The following TIE1 variants were observed in gnomAD, a reference collection of about 807,000 sequenced individuals.
TIE1 encodes tyrosine-protein kinase receptor Tie-1.
In TIE1, 89 loss-of-function variants were observed where a neutral mutation model predicts 130.5. That is an observed-to-expected ratio of 0.68 (90% CI 0.57 to 0.81). TIE1 has a LOEUF of 0.81. Ranked by LOEUF, TIE1 falls within the 40% of genes least tolerant of loss-of-function variation. TIE1 has a pLI of 0.00. For missense variants in TIE1, 1,392 were observed against 1,559.8 expected (o/e 0.89, Z 1.81); for synonymous variants, 568 against 629.4 (o/e 0.90, Z 1.46).
intron 21 of TIE1, 26 bp downstream of exon 21, chr1:43,321,518 A>G (rs2153913179): frequency 1.3e-6 from 2 of 1,595,422 alleles, no homozygotes; most frequent in Non-Finnish European, 1.7e-6. Flanking sequence ...CTTGAGCTCC[A>G]TGATCCTATC....
chr1:43,301,621 C>T (rs1252536807), intron 1 of TIE1, among the ~76,000 whole-genome samples: 3 of 152,150 alleles, frequency 2.0e-5, no homozygotes, highest in Non-Finnish European at 4.4e-5. Flanking sequence ...CCTGTAATCC[C>T]GGCACTTTGG....
chr1:43,317,795 T>A lies in TIE1; in HGVS notation c.2732-87T>A. On this transcript the variant is annotated intron_variant, in intron 16 of 22. Transcript: ENST00000372476. This position sits in a 1 kb window ranked among gnomAD's most constrained non-coding sequence, Gnocchi z 5.1. ...CCTGTGCACCACCCTTGATCCTCCT[T>A]CATCCCTGTCTGTTACCATCGGGTG... 1 of 1,520,266 alleles carries A rather than the reference T, an allele frequency of 6.6e-7. No homozygotes were observed. Among genetic ancestry groups the A allele is most frequent in the Non-Finnish European group, 9.1e-7 (1 of 1,104,714 alleles). The allele number at this position is 1,520,266 out of a possible 1,614,324, so 94.2% of individuals were successfully genotyped here.
chr1:43,316,176 CAT>C lies in TIE1; in HGVS notation c.2410-1022_2410-1021del, dbSNP rs953358971. On this transcript the variant is annotated intron_variant, in intron 14 of 22. Transcript: ENST00000372476. This position sits in a 1 kb window ranked among gnomAD's most constrained non-coding sequence, Gnocchi z 4.4. ...ACACGTGCATCCCCTGTGAGTGCCACATGTTTAAATGCGTGTGTCCCAGATGC... is the reference window on the plus strand; with the variant it reads ...ACACGTGCATCCCCTGTGAGTGCCACGTTTAAATGCGTGTGTCCCAGATGC... Among the ~76,000 whole-genome samples the C allele has an allele frequency of 5.3e-5, 8 of 152,246 alleles. No individual in the cohort carries two copies. Among genetic ancestry groups the C allele is most frequent in the Non-Finnish European group, 8.8e-5 (6 of 68,044 alleles).
Position 43,313,694 on chromosome 1 carries a change from C to G in TIE1, c.2219-84C>G. 7.1e-7 allele frequency: 1 copy of G among 1,407,564 alleles called. No homozygotes were observed. The highest frequency in any genetic ancestry group is 9.5e-7 in the Non-Finnish European group (1 of 1,048,780). 87.2% of individuals were successfully genotyped at this position (1,407,564 alleles called of 1,614,324 possible). A position where few individuals can be genotyped will look rare whatever the true frequency, so the allele number is the denominator to read the frequency against. On this transcript the variant is annotated intron_variant, in intron 13 of 22. Transcript: ENST00000372476. The surrounding 1 kb of genome is among the most constrained non-coding windows in gnomAD (Gnocchi z 6.2). ...ACAGTCCTGGCACTGGGATCTTTCA[C>G]CTCTCCCTCTGTGTAACCCCATGGT...
chr1:43,308,816 T>C, intron 7 of TIE1, 170 bp from the exon 8 acceptor site: 1 of 824,866 alleles, frequency 1.2e-6, no homozygotes, highest in Non-Finnish European at 2.1e-6. Context: ...TTGCAGCTGA[T>C]GGGATGTGGG....
At position 43,313,506 on chromosome 1, in the gene TIE1, C is replaced by G; in HGVS notation, c.2218+81C>G. 6.6e-7 allele frequency: 1 copy of G among 1,525,598 alleles called. No individual in the cohort carries two copies. Among genetic ancestry groups the G allele is most frequent in the Non-Finnish European group, 8.9e-7 (1 of 1,118,628 alleles). 94.5% of individuals were successfully genotyped at this position (1,525,598 alleles called of 1,614,324 possible). A position where few individuals can be genotyped will look rare whatever the true frequency, so the allele number is the denominator to read the frequency against. The stretch of plus-strand genomic sequence containing the variant: ...CGCTCTCCTTCCACATCACCCCCTA[C>G]TGTGGAGCTAGGGCATCCCAGGCCC... On this transcript the variant is annotated intron_variant, in intron 13 of 22. Coordinates refer to ENST00000372476, the MANE Select transcript of TIE1 (RefSeq NM_005424.5). This position sits in a 1 kb window ranked among gnomAD's most constrained non-coding sequence, Gnocchi z 6.2.
rs960199638 is a variant in TIE1 at position 43,308,064 on chromosome 1, CA to C, written c.1042+141del. 1.6e-4 allele frequency: 209 copies of C among 1,305,972 alleles called. 1 individual carries two copies. The African/African-American group carries it at 2.9e-3, about 18-fold the overall frequency. The allele number at this position is 1,305,972 out of a possible 1,614,324, so 80.9% of individuals were successfully genotyped here. ...CTCAGGGAGCTTAGAGTCTGATGGA[CA>C]GGGAGCTCTGGCAGGGAGTCAGTCT... On this transcript the variant is annotated intron_variant, in intron 7 of 22. Transcript: ENST00000372476.
At chr1:43,308,052 G>C (rs535977216) in intron 7 of TIE1, 128 bp downstream of exon 7, 6 of 1,364,690 alleles carry the variant, frequency 4.4e-6, no homozygotes, top group East Asian at 2.5e-5. Context: ...AGGGAGCTTA[G>C]AGTCTGATGG....
Position 43,313,650 on chromosome 1 carries a change from TG to T in TIE1, c.2219-126del. ...GACACCCCTCATCCCTTCCTTCATG[TG>T]GCCCAAGTGATTTCCTGACAGTCCT... On this transcript the variant is annotated intron_variant, in intron 13 of 22. Coordinates refer to ENST00000372476, the MANE Select transcript of TIE1 (RefSeq NM_005424.5). This position sits in a 1 kb window ranked among gnomAD's most constrained non-coding sequence, Gnocchi z 6.2. The T allele has an allele frequency of 2.6e-6, 3 of 1,143,970 alleles. No individual in the cohort carries two copies. The highest frequency in any genetic ancestry group is 3.6e-6 in the Non-Finnish European group (3 of 824,722). The allele number at this position is 1,143,970 out of a possible 1,614,324, so 70.9% of individuals were successfully genotyped here.
At chr1:43,303,876 C>T (rs769052849) in intron 1 of TIE1, among the ~76,000 whole-genome samples, 4 of 152,162 alleles carry the variant, frequency 2.6e-5, no homozygotes, top group Non-Finnish European at 5.9e-5. Flanking sequence ...TCTCCCTGAG[C>T]TCCCCCAGGC....
intron 1 of TIE1, among the ~76,000 whole-genome samples, chr1:43,301,429 C>G (rs1263200321): frequency 6.6e-6 from 1 of 150,772 alleles, no homozygotes; most frequent in Non-Finnish European, 1.5e-5. Flanking sequence ...CAAGACCAGA[C>G]TGGTCAACAT....
chr1:43,304,971 C>T lies in TIE1; in HGVS notation c.179C>T (p.Pro60Leu). 1.4e-6 allele frequency: 2 copies of T among 1,473,298 alleles called. No homozygotes were observed. The highest frequency in any genetic ancestry group is 1.8e-6 in the Non-Finnish European group (2 of 1,114,402). 91.3% of individuals were successfully genotyped at this position (1,473,298 alleles called of 1,614,324 possible). Residue 60 changes from proline (P) to leucine (L), a missense_variant, in exon 2 of 23, where the codon CCC (proline) becomes CTC (leucine). By Grantham distance (98) the Pro-to-Leu change is moderately conservative. Coordinates refer to ENST00000372476, the MANE Select transcript of TIE1 (RefSeq NM_005424.5). ...AGRGSDAWGPPLLLEKDDRIV... is the reference protein window; with the variant it reads ...AGRGSDAWGPLLLLEKDDRIV... Reference sequence around the variant, plus strand: ...AGGGGCTCGGACGCCTGGGGCCCGCCCCTGCTGCTGGAGAAGGACGACCGT... The same window carrying T: ...AGGGGCTCGGACGCCTGGGGCCCGCTCCTGCTGCTGGAGAAGGACGACCGT...
chr1:43,313,070 G>T lies in TIE1; in HGVS notation c.1928-65G>T, dbSNP rs1439331131. 4.5e-5 allele frequency: 69 copies of T among 1,534,118 alleles called. No homozygotes were observed. The highest frequency in any genetic ancestry group is 6.0e-5 in the Non-Finnish European group (68 of 1,136,756). On this transcript the variant is annotated intron_variant, in intron 12 of 22. Transcript: ENST00000372476. The surrounding 1 kb of genome is among the most constrained non-coding windows in gnomAD (Gnocchi z 6.2). ...GAGGGAGCACAGCTAGAGCAGATGT[G>T]TCCAGCCCCACAGCTACATAGCCCG...
chr1:43,321,136 G>T, intron 19 of TIE1, 133 bp from the exon 20 acceptor site: 1 of 925,520 alleles, frequency 1.1e-6, no homozygotes, highest in Non-Finnish European at 1.8e-6. Flanking sequence ...GACAACAGCT[G>T]GCCAAGGCCA....
In TIE1 at chr1:43,309,148, C is replaced by T. The variant is rs199873558; in HGVS notation, c.1188+17C>T. On this transcript the variant is annotated intron_variant, in intron 8 of 22. Coordinates refer to ENST00000372476, the MANE Select transcript of TIE1 (RefSeq NM_005424.5). This position sits in a 1 kb window ranked among gnomAD's most constrained non-coding sequence, Gnocchi z 6.3. Reference sequence around the variant, plus strand: ...GTGCTCCTGGTCAGCCCCCAATCACCCCAACCCACCAGCCCCTCAGGCCGC... The same window carrying T: ...GTGCTCCTGGTCAGCCCCCAATCACTCCAACCCACCAGCCCCTCAGGCCGC... 23 of 1,573,806 alleles carry T rather than the reference C, an allele frequency of 1.5e-5. No individual in the cohort carries two copies. The African/African-American group carries it at 2.7e-4, about 18-fold the overall frequency.
chr1:43,320,025 C>T (rs1280908858), intron 19 of TIE1: 1 of 192,928 alleles, frequency 5.2e-6, no homozygotes, highest in African/African-American at 2.3e-5. Context: ...TTGCCCCAAG[C>T]CCTTTGGCCT....
Position 43,305,124 on chromosome 1 carries a change from C to T in TIE1, c.332C>T (p.Ala111Val). The change falls in exon 2 of 23, where the codon GCG becomes GTG. Residue 111 changes from alanine (A) to valine (V), a missense_variant. Around this residue, in one of 6 missense-constraint regions of TIE1, gnomAD observed 415 missense variants for 424.8 expected, o/e 0.98. Transcript: ENST00000372476. ...TTCTCCTGCGTGGGCGGTGCTGGGG[C>T]GCGGCGCACGCGCGTCATCTACGTG... is the stretch of plus-strand genomic sequence containing the variant. ...GVFSCVGGAG[A>V]RRTRVIYVHN... The T allele has an allele frequency of 6.2e-7, 1 of 1,613,684 alleles. No individual in the cohort carries two copies.
At position 43,313,343 on chromosome 1, in the gene TIE1, G is replaced by A. The variant is rs754448785; in HGVS notation, c.2136G>A (p.Thr712=). 6 of 1,614,056 alleles carry A rather than the reference G, an allele frequency of 3.7e-6. No individual in the cohort carries two copies. Among genetic ancestry groups the A allele is most frequent in the Non-Finnish European group, 3.4e-6 (4 of 1,179,966 alleles). ...STIIRGLNAS[T]RYLFRMRASI... is the part of the protein sequence containing the mutation. The stretch of plus-strand genomic sequence containing the variant: ...TCATCCGTGGCCTCAACGCCAGCAC[G>A]CGCTACCTCTTCCGCATGCGGGCCA... The change falls in exon 13 of 23, where the codon ACG becomes ACA. Residue 712 remains threonine (T), a synonymous_variant. Coordinates refer to ENST00000372476, the MANE Select transcript of TIE1 (RefSeq NM_005424.5). This position sits in a 1 kb window ranked among gnomAD's most constrained non-coding sequence, Gnocchi z 6.2.
rs559749692 is a variant in TIE1, at chr1:43,306,535, C to T, written c.485-305C>T. 1.3e-5 allele frequency among the ~76,000 whole-genome samples: 2 copies of T among 152,018 alleles called. No individual in the cohort carries two copies. Among genetic ancestry groups the T allele is most frequent in the African/African-American group, 4.8e-5 (2 of 41,370 alleles). Reference sequence around the variant, plus strand: ...AAGGGTGACACTGGAGGCAGAGGAGCCTTGTGAGGCCCCTGGAGGCTAGGA... The same window carrying T: ...AAGGGTGACACTGGAGGCAGAGGAGTCTTGTGAGGCCCCTGGAGGCTAGGA... On this transcript the variant is annotated intron_variant, in intron 3 of 22. Transcript: ENST00000372476. The surrounding 1 kb of genome is among the most constrained non-coding windows in gnomAD (Gnocchi z 4.9).
Sources: allele counts gnomAD v4.1 joint callset (sites outside exome capture counted in the v4.1 genomes callset), GRCh38; gene constraint gnomAD v4.1.1; regional missense constraint gnomAD v4.1.1; non-coding constraint Gnocchi (gnomAD v3.1); transcripts MANE v1.5; gene names NCBI Gene and HGNC (gene_info 2026-07-23, HGNC 2026-07-21).